PRKCE: variants seen among roughly 807,000 people sequenced by gnomAD.
PRKCE encodes protein kinase C epsilon.
In PRKCE, 16 loss-of-function variants were observed where a neutral mutation model predicts 85.4. That is an observed-to-expected ratio of 0.19 (90% CI 0.13 to 0.28). PRKCE has a LOEUF of 0.28. PRKCE is among the 10% of genes least tolerant of loss of function. The probability of loss-of-function intolerance (pLI) is 1.00; values close to 1 mark genes in which losing one functional copy is unlikely to be tolerated. For synonymous variants in PRKCE, 388 were observed against 371.5 expected (o/e 1.04, Z -0.51); for missense variants, 573 against 975.2 (o/e 0.59, Z 5.49).
intron 2 of PRKCE, among the ~76,000 whole-genome samples, chr2:45,928,552 G>A (rs1163865043): frequency 6.6e-6 from 1 of 152,220 alleles, no homozygotes; most frequent in Non-Finnish European, 1.5e-5. Flanking sequence ...TTACAGGCGT[G>A]AGCCACTGTG....
intron 11 of PRKCE, among the ~76,000 whole-genome samples, chr2:46,141,059 T>A (rs1675468574): frequency 6.6e-6 from 1 of 152,196 alleles, no homozygotes; most frequent in African/African-American, 2.4e-5. Context: ...TAAATTGTTC[T>A]TCCACCAAGA....
intron 11 of PRKCE, among the ~76,000 whole-genome samples, chr2:46,142,107 G>A (rs1290984696): frequency 1.3e-5 from 2 of 152,226 alleles, no homozygotes; most frequent in African/African-American, 2.4e-5. Context: ...AAACCATGAA[G>A]GAATCTCTTA....
At chr2:45,954,301 A>T (rs1700828805) in intron 2 of PRKCE, among the ~76,000 whole-genome samples, 1 of 152,240 alleles carries the variant, frequency 6.6e-6, no homozygotes, top group African/African-American at 2.4e-5. Flanking sequence ...TGGAGTCAAA[A>T]GAATTTAGAG....
chr2:45,700,858 G>A (rs1217695046), intron 1 of PRKCE, among the ~76,000 whole-genome samples: 1 of 152,140 alleles, frequency 6.6e-6, no homozygotes, highest in Non-Finnish European at 1.5e-5. Context: ...GGGAGAGGGC[G>A]GCCCCGTGAG....
intron 2 of PRKCE, among the ~76,000 whole-genome samples, chr2:45,938,718 G>T (rs1699659841): frequency 7.6e-6 from 1 of 132,182 alleles, no homozygotes; most frequent in South Asian, 2.4e-4. Context: ...GCAACTCTTA[G>T]AACAAAGTAA....
rs186587410 is a variant in PRKCE, at chr2:45,964,916, T to A, written c.413-11513T>A. On this transcript the variant is annotated intron_variant, in intron 2 of 14. Transcript: ENST00000306156. The stretch of plus-strand genomic sequence containing the variant: ...CTAGCTGCAGTTTTGTTTTCATACC[T>A]GGACAGAGCATAAATCCTGCCATGA... 3.0e-4 allele frequency among the ~76,000 whole-genome samples: 46 copies of A among 152,330 alleles called. 1 individual carries two copies. Among genetic ancestry groups the A allele is most frequent in the Admixed American group, 3.0e-3 (46 of 15,294 alleles).
intron 1 of PRKCE, among the ~76,000 whole-genome samples, chr2:45,735,481 A>G (rs1470077393): frequency 6.6e-6 from 1 of 152,190 alleles, no homozygotes; most frequent in Non-Finnish European, 1.5e-5. Flanking sequence ...AAGTCATTTG[A>G]CTTTTCTGTA....
rs989335436 is a variant in PRKCE at position 46,155,725 on chromosome 2, C to G, written c.1921-3881C>G. ...CAGAAATGGGGTGCAATCCCTCTCT[C>G]CCCATCACAGCTAGTCATCAAGTCC... On this transcript the variant is annotated intron_variant, in intron 13 of 14. Coordinates refer to ENST00000306156, the MANE Select transcript of PRKCE (RefSeq NM_005400.3). The surrounding 1 kb of genome is among the most constrained non-coding windows in gnomAD (Gnocchi z 4.7). 3.3e-5 allele frequency among the ~76,000 whole-genome samples: 5 copies of G among 152,196 alleles called. No individual in the cohort carries two copies. The highest frequency in any genetic ancestry group is 1.2e-4 in the African/African-American group (5 of 41,430).
At chr2:45,846,875 G>A (rs781120876) in intron 2 of PRKCE, among the ~76,000 whole-genome samples, 1 of 152,190 alleles carries the variant, frequency 6.6e-6, no homozygotes, top group Admixed American at 6.5e-5. Flanking sequence ...TGTAAGAGAT[G>A]ATCAGTAAAT....
intron 10 of PRKCE, among the ~76,000 whole-genome samples, chr2:46,022,936 AGCCGGGCGCGGT>A (rs1407889284): frequency 6.7e-6 from 1 of 148,680 alleles, no homozygotes; most frequent in African/African-American, 2.5e-5. Flanking sequence ...ACAAAAAATT[AGCCGGGCGCGGT>A]GGCGGGCGCC....
rs569879181 is a variant in PRKCE at position 46,166,022 on chromosome 2, G to A, written c.2067+6270G>A. 5.9e-5 allele frequency among the ~76,000 whole-genome samples: 9 copies of A among 152,312 alleles called. No individual in the cohort carries two copies. In the East Asian group the frequency reaches 7.7e-4, roughly 13 times the overall value. On this transcript the variant is annotated intron_variant, in intron 14 of 14. Coordinates refer to ENST00000306156, the MANE Select transcript of PRKCE (RefSeq NM_005400.3). ...TCCAGGTAGGTGAGCCCTCAGGCCC[G>A]GTGACATAGAGGCCCCTCTCAACCT...
intron 1 of PRKCE, among the ~76,000 whole-genome samples, chr2:45,691,463 A>G (rs1677720497): frequency 6.6e-6 from 1 of 152,090 alleles, no homozygotes; most frequent in South Asian, 2.1e-4. Flanking sequence ...CCTTCAATAT[A>G]TTGGTTTTTA....
chr2:45,735,210 T>A (rs1405111444), intron 1 of PRKCE, among the ~76,000 whole-genome samples: 1 of 152,266 alleles, frequency 6.6e-6, no homozygotes, highest in Non-Finnish European at 1.5e-5. Flanking sequence ...GTTCCACGCA[T>A]GGCAAGTCTG....
At chr2:45,918,709 C>T (rs1328177722) in intron 2 of PRKCE, among the ~76,000 whole-genome samples, 5 of 152,186 alleles carry the variant, frequency 3.3e-5, no homozygotes, top group Non-Finnish European at 4.4e-5. Context: ...AATGACTTTT[C>T]ATGGGCCAGA....
chr2:46,044,503 T>C (rs1708401513), intron 10 of PRKCE, among the ~76,000 whole-genome samples: 1 of 152,230 alleles, frequency 6.6e-6, no homozygotes, highest in Non-Finnish European at 1.5e-5. Context: ...TATTTAACTG[T>C]GATGTGGTCC....
At chr2:45,993,285 C>G (rs149935429) in intron 6 of PRKCE, among the ~76,000 whole-genome samples, 27 of 152,344 alleles carry the variant, frequency 1.8e-4, no homozygotes, top group African/African-American at 5.5e-4. Flanking sequence ...CTCCAGGAGC[C>G]CATCTTGCTC....
rs141299102 is a variant in PRKCE at position 45,972,774 on chromosome 2, T to C, written c.413-3655T>C. 1.3e-3 allele frequency among the ~76,000 whole-genome samples: 198 copies of C among 152,362 alleles called. 2 individuals carry two copies. Among genetic ancestry groups the C allele is most frequent in the African/African-American group, 4.4e-3 (184 of 41,594 alleles). On this transcript the variant is annotated intron_variant, in intron 2 of 14. Transcript: ENST00000306156. The stretch of plus-strand genomic sequence containing the variant: ...CTTGTTGAAGATCAGTTGACTCTTC[T>C]TGGCTTGGAAGAATTAATGTTTGTT...
intron 13 of PRKCE, among the ~76,000 whole-genome samples, chr2:46,154,421 G>A (rs995112704): frequency 7.9e-5 from 12 of 150,998 alleles, no homozygotes; most frequent in African/African-American, 2.7e-4. Flanking sequence ...GCACTTCTCT[G>A]CCTTGATGTC....
intron 10 of PRKCE, among the ~76,000 whole-genome samples, chr2:46,043,535 T>C (rs1708340724): frequency 6.6e-6 from 1 of 152,212 alleles, no homozygotes; most frequent in Non-Finnish European, 1.5e-5. Context: ...TTGTTGCCTA[T>C]AAGGTATTAT....
Sources: allele counts gnomAD v4.1 joint callset (sites outside exome capture counted in the v4.1 genomes callset), GRCh38; gene constraint gnomAD v4.1.1; non-coding constraint Gnocchi (gnomAD v3.1); transcripts MANE v1.5; gene names NCBI Gene and HGNC (gene_info 2026-07-23, HGNC 2026-07-21).